ATP9A: variants seen among roughly 807,000 people sequenced by gnomAD.
The protein encoded by ATP9A is probable phospholipid-transporting ATPase IIA.
A neutral mutation model predicts 144.1 loss-of-function variants in ATP9A; 52 were observed. That is an observed-to-expected ratio of 0.36 (90% CI 0.29 to 0.45). The LOEUF is 0.45. Ranked by LOEUF, ATP9A falls within the 20% of genes least tolerant of loss-of-function variation. The pLI, the probability that ATP9A is intolerant of heterozygous loss-of-function variation, is 1.00. For missense variants in ATP9A, 947 were observed against 1,392.7 expected (o/e 0.68, Z 5.09); for synonymous variants, 582 against 557.4 (o/e 1.04, Z -0.62).
At chr20:51,722,051 C>T (rs1284706329) in intron 3 of ATP9A, among the ~76,000 whole-genome samples, 2 of 151,906 alleles carry the variant, frequency 1.3e-5, no homozygotes, top group Admixed American at 6.6e-5. Context: ...TTACAGCCGA[C>T]TGCTCTTCAA....
chr20:51,768,109 G>A (rs911910157), intron 1 of ATP9A, among the ~76,000 whole-genome samples, 193 bp downstream of exon 1: 1 of 151,972 alleles, frequency 6.6e-6, no homozygotes, highest in Non-Finnish European at 1.5e-5. Flanking sequence ...CCAAAGGGCC[G>A]GCATCAGGCT....
In ATP9A at chr20:51,610,087, C is replaced by T. The variant is rs1282506585; in HGVS notation, c.2636+14G>A. 1 of 1,574,098 alleles carries T rather than the reference C, an allele frequency of 6.4e-7. No individual in the cohort carries two copies. Among genetic ancestry groups the T allele is most frequent in the Non-Finnish European group, 8.7e-7 (1 of 1,144,242 alleles). ...GTTTTGTAAACAATTAATTCCTTGGCAGGATTTCCTTACCCAATGATGAGG... is the reference window on the plus strand; with the variant it reads ...GTTTTGTAAACAATTAATTCCTTGGTAGGATTTCCTTACCCAATGATGAGG... On this transcript the variant is annotated intron_variant, in intron 24 of 27. Transcript: ENST00000338821.
intron 22 of ATP9A, among the ~76,000 whole-genome samples, chr20:51,615,133 C>T (rs11696302): frequency 0.032 from 4,831 of 151,578 alleles, 103 homozygotes; most frequent in Non-Finnish European, 0.049. Flanking sequence ...ATGTTACTTT[C>T]TTTGTGTGGG....
At chr20:51,710,413 G>GTT (rs1238009849) in intron 4 of ATP9A, among the ~76,000 whole-genome samples, 1 of 152,204 alleles carries the variant, frequency 6.6e-6, no homozygotes, top group Admixed American at 6.5e-5. Flanking sequence ...AGATGGTGAA[G>GTT]TTTTTGCTCA....
In ATP9A at chr20:51,748,940, T is replaced by TAGACAGACAGACAGAC. The variant is rs1477478838; in HGVS notation, c.69-18963_69-18962insGTCTGTCTGTCTGTCT. 2.6e-3 allele frequency among the ~76,000 whole-genome samples: 240 copies of TAGACAGACAGACAGAC among 93,558 alleles called. 2 individuals carry two copies. Among genetic ancestry groups the TAGACAGACAGACAGAC allele is most frequent in the African/African-American group, 8.4e-3 (233 of 27,852 alleles). 61.4% of individuals were successfully genotyped at this position (93,558 alleles called of 152,430 possible). On this transcript the variant is annotated intron_variant, in intron 1 of 27. Coordinates refer to ENST00000338821, the MANE Select transcript of ATP9A (RefSeq NM_006045.3). ...ATAGATAGATAGATAGATAGATAGA[T>TAGACAGACAGACAGAC]AGATAGATAGACAGACAGACAGACA...
chr20:51,658,677 G>T (rs2077397444), intron 13 of ATP9A, among the ~76,000 whole-genome samples: 1 of 151,560 alleles, frequency 6.6e-6, no homozygotes, highest in Non-Finnish European at 1.5e-5. Flanking sequence ...CCGCCACCAA[G>T]CCCTGCTAAT....
intron 18 of ATP9A, among the ~76,000 whole-genome samples, chr20:51,623,126 G>A (rs2122726207): frequency 6.6e-6 from 1 of 152,306 alleles, no homozygotes; most frequent in South Asian, 2.1e-4. Flanking sequence ...GCACCTCTCA[G>A]GGCTGAGCCT....
At chr20:51,629,930 G>T (rs1197126547) in intron 15 of ATP9A, among the ~76,000 whole-genome samples, 1 of 152,232 alleles carries the variant, frequency 6.6e-6, no homozygotes, top group Non-Finnish European at 1.5e-5. Flanking sequence ...CTGCTGCTGG[G>T]ATGAGAGTGA....
chr20:51,612,844 C>A (rs546160790), intron 23 of ATP9A, among the ~76,000 whole-genome samples: 1 of 152,272 alleles, frequency 6.6e-6, no homozygotes, highest in East Asian at 1.9e-4. Flanking sequence ...TATTCGTGAT[C>A]ATAATAATTA....
At chr20:51,748,614 T>C (rs1285076634) in intron 1 of ATP9A, among the ~76,000 whole-genome samples, 1 of 152,190 alleles carries the variant, frequency 6.6e-6, no homozygotes, top group Non-Finnish European at 1.5e-5. Flanking sequence ...AAATAGGCGC[T>C]GTCACTGCCA....
At chr20:51,755,903 C>T (rs1335682031) in intron 1 of ATP9A, among the ~76,000 whole-genome samples, 1 of 151,740 alleles carries the variant, frequency 6.6e-6, no homozygotes, top group Non-Finnish European at 1.5e-5. Context: ...TGCAGTGAGC[C>T]GAGATCGTGC....
chr20:51,716,476 A>C (rs1421374778), intron 3 of ATP9A, among the ~76,000 whole-genome samples: 1 of 130,000 alleles, frequency 7.7e-6, no homozygotes, highest in Non-Finnish European at 1.6e-5. Context: ...AAAAGAAAAT[A>C]GAAACCTGAA....
intron 3 of ATP9A, among the ~76,000 whole-genome samples, chr20:51,718,415 T>A (rs2077672161): frequency 1.3e-5 from 2 of 151,812 alleles, no homozygotes; most frequent in Admixed American, 1.3e-4. Flanking sequence ...ACTTTAAATA[T>A]TTCTCCAATA....
intron 17 of ATP9A, 59 bp downstream of exon 17, chr20:51,627,541 G>A: frequency 7.0e-7 from 1 of 1,435,862 alleles, no homozygotes; most frequent in Non-Finnish European, 9.8e-7. Flanking sequence ...ATGGTGGAAG[G>A]AGTGACTGGG....
chr20:51,633,789 CA>C (rs199922923), intron 15 of ATP9A, among the ~76,000 whole-genome samples: 81 of 127,106 alleles, frequency 6.4e-4, no homozygotes, highest in African/African-American at 2.2e-3. Flanking sequence ...GGGAGGGAGG[CA>C]AAAAAAAGAA....
At chr20:51,725,721 G>A in intron 3 of ATP9A, 98 bp downstream of exon 3, 5 of 825,742 alleles carry the variant, frequency 6.1e-6, no homozygotes, top group Non-Finnish European at 8.1e-6. Flanking sequence ...TCCCTTACAA[G>A]GCCACCATCC....
intron 1 of ATP9A, among the ~76,000 whole-genome samples, chr20:51,736,653 C>T (rs2077764200): frequency 6.6e-6 from 1 of 152,058 alleles, no homozygotes; most frequent in African/African-American, 2.4e-5. Flanking sequence ...CCGCGCCTGG[C>T]CCTCACATTG....
rs369381459 is a variant in ATP9A, at chr20:51,613,669, C to T, written c.2571+8G>A. ...GCACATGTGCAGAGGGGCCAGCTGTCCACTCACCTGCATGGTGCTGATACA... is the reference window on the plus strand; with the variant it reads ...GCACATGTGCAGAGGGGCCAGCTGTTCACTCACCTGCATGGTGCTGATACA... On this transcript the variant is annotated splice_region_variant and intron_variant, in intron 23 of 27. Coordinates refer to ENST00000338821, the MANE Select transcript of ATP9A (RefSeq NM_006045.3). The T allele has an allele frequency of 6.2e-7, 1 of 1,611,544 alleles. No homozygotes were observed.
At chr20:51,768,087 G>A (rs2077913296) in intron 1 of ATP9A, among the ~76,000 whole-genome samples, 2 of 151,990 alleles carry the variant, frequency 1.3e-5, no homozygotes, top group Non-Finnish European at 1.5e-5. Flanking sequence ...CAGGCAACCG[G>A]GCGCTCGAAC....
Sources: allele counts gnomAD v4.1 joint callset (sites outside exome capture counted in the v4.1 genomes callset), GRCh38; gene constraint gnomAD v4.1.1; transcripts MANE v1.5; gene names NCBI Gene and HGNC (gene_info 2026-07-23, HGNC 2026-07-21).